Variants in MTMR2 observed in about 807,000 individuals in gnomAD.
The protein encoded by MTMR2 is phosphatidylinositol-3,5-bisphosphate 3-phosphatase MTMR2.
A neutral mutation model predicts 86.9 loss-of-function variants in MTMR2; 55 were observed. That is an observed-to-expected ratio of 0.63 (90% CI 0.51 to 0.79). MTMR2 has a LOEUF of 0.79. Among genes scored for constraint, MTMR2 ranks in the 30% least tolerant of loss-of-function variants. The pLI is 0.00. For missense variants in MTMR2, 659 were observed against 772.3 expected (o/e 0.85, Z 1.74); for synonymous variants, 241 against 266.8 (o/e 0.90, Z 0.94).
At chr11:95,901,504 C>A (rs1866073432) in intron 1 of MTMR2, among the ~76,000 whole-genome samples, 1 of 152,112 alleles carries the variant, frequency 6.6e-6, no homozygotes, top group African/African-American at 2.4e-5. Context: ...AACCCCATCC[C>A]TCCCCTTATT....
chr11:95,878,899 G>A (rs1169289891), intron 2 of MTMR2, among the ~76,000 whole-genome samples: 1 of 152,072 alleles, frequency 6.6e-6, no homozygotes, highest in African/African-American at 2.4e-5. Flanking sequence ...AATGAGCCCA[G>A]TTTATGTACT....
At position 95,894,071 on chromosome 11, in the gene MTMR2, G is replaced by T. The variant is rs554392490; in HGVS notation, c.81-5810C>A. Among the ~76,000 whole-genome samples, 14 of 152,180 alleles carry T rather than the reference G, an allele frequency of 9.2e-5. No individual in the cohort carries two copies. The South Asian group carries it at 2.7e-3, about 29-fold the overall frequency. On this transcript the variant is annotated intron_variant, in intron 1 of 14. Transcript: ENST00000346299. ...TCCAGCTGTAGTTTTTACTCATCTG[G>T]AACCACTGGGAATGGCTTGCAGATT...
In MTMR2 at chr11:95,904,755, T is replaced by A. The variant is rs900547563; in HGVS notation, c.81-16494A>T. ...TATGGAGTAGGTAGCTATTCTTTAT[T>A]CCTTTACTTAATAAACTTGCTTTCA... is the stretch of plus-strand genomic sequence containing the variant. On this transcript the variant is annotated intron_variant, in intron 1 of 14. Transcript: ENST00000346299. Among the ~76,000 whole-genome samples the A allele has an allele frequency of 6.8e-4, 104 of 152,208 alleles. 1 individual carries two copies. The highest frequency in any genetic ancestry group is 2.5e-3 in the African/African-American group (102 of 41,452).
At chr11:95,859,640 C>T (rs1357996344) in intron 5 of MTMR2, among the ~76,000 whole-genome samples, 2 of 152,108 alleles carry the variant, frequency 1.3e-5, no homozygotes, top group Non-Finnish European at 2.9e-5. Context: ...GCCTGGGCAA[C>T]ATAGTGAGAC....
At position 95,836,211 on chromosome 11, in the gene MTMR2, G is replaced by A. The variant is rs773359524; in HGVS notation, c.1707C>T (p.Ser569=). ...YSNHVLYPVA[S]MRHLELWVGY... ...CCACCCAGAGCTCTAGGTGGCGCAT[G>A]CTGGCTACTGGATAAAGGACATGAT... Residue 569 remains serine, a synonymous_variant, in exon 14 of 15, where the codon AGC becomes AGT. Coordinates refer to ENST00000346299, the MANE Select transcript of MTMR2 (RefSeq NM_016156.6). 1.9e-6 allele frequency: 3 copies of A among 1,612,938 alleles called. No homozygotes were observed. Among genetic ancestry groups the A allele is most frequent in the South Asian group, 2.2e-5 (2 of 91,048 alleles).
intron 2 of MTMR2, among the ~76,000 whole-genome samples, chr11:95,882,725 GTT>G (rs572839295): frequency 3.9e-5 from 5 of 127,958 alleles, no homozygotes; most frequent in Admixed American, 8.2e-5. Flanking sequence ...ATTTTGTGTT[GTT>G]TTTTTTTTTT....
rs774006668 is a variant in MTMR2, at chr11:95,841,702, C to A, written c.1394G>T (p.Gly465Val). ...ATCTGCATGGTTCTTATCTCCATGG[C>A]CAACTCTCTGAAGCAAAAAGAGTGA... ...SFGHRFQLRV[G>V]HGDKNHADAD... The change falls in exon 12 of 15, where the codon GGC (glycine) becomes GTC (valine). Residue 465 changes from glycine (G) to valine (V), a missense_variant. Gly to Val is a moderately radical substitution (Grantham distance 109). Coordinates refer to ENST00000346299, the MANE Select transcript of MTMR2 (RefSeq NM_016156.6). 1.2e-6 allele frequency: 2 copies of A among 1,611,574 alleles called. No homozygotes were observed. The highest frequency in any genetic ancestry group is 2.2e-5 in the South Asian group (2 of 91,036).
At chr11:95,911,645 A>G (rs949620978) in intron 1 of MTMR2, among the ~76,000 whole-genome samples, 2 of 152,176 alleles carry the variant, frequency 1.3e-5, no homozygotes, top group Non-Finnish European at 1.5e-5. Context: ...CAAGAGGGAA[A>G]AAGTTATTTA....
chr11:95,860,177 G>A (rs1174660476), intron 5 of MTMR2, among the ~76,000 whole-genome samples: 1 of 152,076 alleles, frequency 6.6e-6, no homozygotes, highest in Non-Finnish European at 1.5e-5. Flanking sequence ...GGTTGCCAGC[G>A]ATTACACTCA....
At chr11:95,860,430 G>A (rs577659559) in intron 5 of MTMR2, among the ~76,000 whole-genome samples, 2 of 152,234 alleles carry the variant, frequency 1.3e-5, no homozygotes, top group South Asian at 4.1e-4. Flanking sequence ...GAACCCGGGA[G>A]GCAGAGGCTG....
intron 5 of MTMR2, among the ~76,000 whole-genome samples, chr11:95,859,436 A>C (rs975962689): frequency 5.3e-5 from 8 of 152,240 alleles, no homozygotes; most frequent in African/African-American, 1.4e-4. Context: ...AGGGCCAGGC[A>C]CAGTGGCTCA....
chr11:95,864,009 T>C (rs1307384185), intron 3 of MTMR2, among the ~76,000 whole-genome samples: 1 of 152,122 alleles, frequency 6.6e-6, no homozygotes, highest in Non-Finnish European at 1.5e-5. Flanking sequence ...CTTGAGTAAA[T>C]GGACAGCTGG....
In MTMR2 at chr11:95,855,292, A is replaced by G. The variant is rs113742890; in HGVS notation, c.654+2260T>C. On this transcript the variant is annotated intron_variant, in intron 7 of 14. Transcript: ENST00000346299. ...ATTTTTTGAGACATGGCATCTCACT[A>G]TTGCCCAAGCTTGAGTGCAGTGGCA... Among the ~76,000 whole-genome samples, 222 of 151,978 alleles carry G rather than the reference A, an allele frequency of 1.5e-3. 3 individuals are homozygous for G. Among genetic ancestry groups the G allele is most frequent in the African/African-American group, 4.9e-3 (204 of 41,452 alleles).
chr11:95,868,835 A>C (rs1465452954), intron 2 of MTMR2, among the ~76,000 whole-genome samples: 1 of 152,138 alleles, frequency 6.6e-6, no homozygotes, highest in Non-Finnish European at 1.5e-5. Context: ...ACAAGACAAT[A>C]ACAAAATGTG....
intron 7 of MTMR2, among the ~76,000 whole-genome samples, chr11:95,852,857 G>T (rs1401331621): frequency 6.6e-6 from 1 of 151,916 alleles, no homozygotes; most frequent in East Asian, 1.9e-4. Context: ...GGCCAACATG[G>T]ATGAAACCCC....
chr11:95,850,330 T>C (rs1863969217), intron 8 of MTMR2, among the ~76,000 whole-genome samples: 1 of 151,734 alleles, frequency 6.6e-6, no homozygotes, highest in African/African-American at 2.4e-5. Context: ...ATAAGATAAA[T>C]AAATAGTGAC....
intron 1 of MTMR2, among the ~76,000 whole-genome samples, chr11:95,910,387 T>G (rs974401510): frequency 1.3e-5 from 2 of 152,022 alleles, no homozygotes; most frequent in Non-Finnish European, 2.9e-5. Context: ...CAAAAATATT[T>G]TTTATAAAAT....
intron 1 of MTMR2, chr11:95,907,943 C>A: frequency 2.5e-6 from 1 of 407,530 alleles, no homozygotes; most frequent in South Asian, 1.9e-5. Context: ...CAGAAAAAGA[C>A]AAGAATGCCC....
At chr11:95,888,402 C>CT in intron 1 of MTMR2, 141 bp from the exon 2 acceptor site, 2 of 660,108 alleles carry the variant, frequency 3.0e-6, no homozygotes, top group Non-Finnish European at 5.4e-6. Flanking sequence ...AATCTTATCT[C>CT]TAAGTCTTAA....
Sources: allele counts gnomAD v4.1 joint callset (sites outside exome capture counted in the v4.1 genomes callset), GRCh38; gene constraint gnomAD v4.1.1; transcripts MANE v1.5; gene names NCBI Gene and HGNC (gene_info 2026-07-23, HGNC 2026-07-21).